The following EDIL3 variants were observed in gnomAD, a reference collection of about 807,000 sequenced individuals.
The protein encoded by EDIL3 is EGF like and discoidin domains 3, also known as EGF-like repeat and discoidin I-like domain-containing protein 3.
In EDIL3, 37 loss-of-function variants were observed where a neutral mutation model predicts 67.4. That is an observed-to-expected ratio of 0.55 (90% CI 0.42 to 0.72). The LOEUF (loss-of-function observed/expected upper bound fraction) is 0.72, where lower values mean the gene tolerates loss of function less well. EDIL3 is among the 30% of genes least tolerant of loss of function. The probability of loss-of-function intolerance (pLI) is 0.00; values close to 1 mark genes in which losing one functional copy is unlikely to be tolerated. For missense variants in EDIL3, 527 were observed against 586.3 expected, an observed-to-expected ratio of 0.90 and a Z score of 1.04; for synonymous variants, 195 against 196.3, an observed-to-expected ratio of 0.99 and a Z score of 0.05.
chr5:83,969,405 C>T (rs1024820276), intron 9 of EDIL3, among the ~76,000 whole-genome samples: 2 of 151,680 alleles, frequency 1.3e-5, no homozygotes, highest in East Asian at 3.9e-4. Context: ...ACAAAAAAGG[C>T]CTTTTAAACA....
At chr5:84,124,952 C>A (rs1011891763) in intron 5 of EDIL3, among the ~76,000 whole-genome samples, 1 of 151,896 alleles carries the variant, frequency 6.6e-6, no homozygotes, top group African/African-American at 2.4e-5. Context: ...TGGTGTTAAC[C>A]TTTTCATGCA....
At chr5:84,163,385 C>T (rs983188037) in intron 4 of EDIL3, among the ~76,000 whole-genome samples, 1 of 151,956 alleles carries the variant, frequency 6.6e-6, no homozygotes, top group Admixed American at 6.6e-5. Context: ...TAAAGAGAAA[C>T]TGAAATACGT....
At chr5:84,260,197 G>A (rs1745201677) in intron 1 of EDIL3, among the ~76,000 whole-genome samples, 1 of 152,152 alleles carries the variant, frequency 6.6e-6, no homozygotes, top group Non-Finnish European at 1.5e-5. Context: ...GGAGAAACAG[G>A]CTGATGAGAA....
At chr5:83,948,854 T>G (rs1295481993) in intron 10 of EDIL3, among the ~76,000 whole-genome samples, 2 of 151,772 alleles carry the variant, frequency 1.3e-5, no homozygotes, top group Non-Finnish European at 2.9e-5. Context: ...ATTTCATGAT[T>G]GAATGGCTAG....
chr5:84,244,819 G>T (rs952117417), intron 2 of EDIL3, among the ~76,000 whole-genome samples: 1 of 152,192 alleles, frequency 6.6e-6, no homozygotes, highest in African/African-American at 2.4e-5. Flanking sequence ...GAACCAGGCA[G>T]TAGGTGAAAG....
chr5:84,306,565 C>T (rs148353473), intron 1 of EDIL3, among the ~76,000 whole-genome samples: 276 of 152,258 alleles, frequency 1.8e-3, no homozygotes, highest in African/African-American at 6.2e-3. Context: ...CAATACTGTT[C>T]AGATGGTATC....
At chr5:84,240,085 T>C (rs1744765965) in intron 2 of EDIL3, among the ~76,000 whole-genome samples, 1 of 152,204 alleles carries the variant, frequency 6.6e-6, no homozygotes, top group Non-Finnish European at 1.5e-5. Flanking sequence ...AGCATCAATT[T>C]CAGTCAATGA....
rs1030902202 is a variant in EDIL3 at position 84,064,827 on chromosome 5, A to T, written c.825T>A (p.Ile275=). ...AGTTAGCATATGGAGTGTTGTTATCAATGTTTCCACGAAACACCTGTGTAA... is the reference window on the plus strand; with the variant it reads ...AGTTAGCATATGGAGTGTTGTTATCTATGTTTCCACGAAACACCTGTGTAA... ...TNEDMVFRGN[I]DNNTPYANSF... is the part of the protein sequence containing the mutation. The change falls in exon 8 of 11, where the codon ATT becomes ATA. Residue 275 remains isoleucine (I), a synonymous_variant. Coordinates refer to ENST00000296591, the MANE Select transcript of EDIL3 (RefSeq NM_005711.5). 6 of 1,610,894 alleles carry T rather than the reference A, an allele frequency of 3.7e-6. No individual in the cohort carries two copies. Among genetic ancestry groups the T allele is most frequent in the Non-Finnish European group, 5.1e-6 (6 of 1,178,706 alleles).
chr5:84,263,040 C>G (rs1056939252), intron 1 of EDIL3, among the ~76,000 whole-genome samples: 1 of 152,106 alleles, frequency 6.6e-6, no homozygotes, highest in African/African-American at 2.4e-5. Context: ...TTAATATTTA[C>G]TGAAGCCCAT....
In EDIL3 at chr5:84,180,485, G is replaced by A. The variant is rs750291520; in HGVS notation, c.263C>T (p.Thr88Ile). ...CTPNPCHNGG[T>I]CEISEAYRGD... ...TCGGTATGCTTCACTTATTTCACAG[G>A]TTCCTCCATTATGGCATGGATTAGG... is the stretch of plus-strand genomic sequence containing the variant. Residue 88 changes from threonine to isoleucine, a missense_variant, in exon 4 of 11, where the codon ACC becomes ATC. By Grantham distance (89) the Thr-to-Ile change is moderately conservative. This residue lies in a region of EDIL3 where 494 missense variants were observed against 522.5 expected (regional missense o/e 0.95). Coordinates refer to ENST00000296591, the MANE Select transcript of EDIL3 (RefSeq NM_005711.5). 5 of 1,606,930 alleles carry A rather than the reference G, an allele frequency of 3.1e-6. No individual in the cohort carries two copies. The highest frequency in any genetic ancestry group is 1.3e-5 in the African/African-American group (1 of 74,666).
intron 9 of EDIL3, among the ~76,000 whole-genome samples, chr5:83,976,994 A>G (rs576289730): frequency 1.3e-5 from 2 of 151,920 alleles, no homozygotes; most frequent in East Asian, 3.9e-4. Flanking sequence ...TTCTCCTGTC[A>G]TTAGTATTTG....
Position 84,287,964 on chromosome 5 carries a change from T to C in EDIL3, c.68-33752A>G, listed in dbSNP as rs532230732. ...TTCAAATAGTCTTCTTGGCTTTAAATACCATCCACAGACTGAAGACTCTAA... is the reference window on the plus strand; with the variant it reads ...TTCAAATAGTCTTCTTGGCTTTAAACACCATCCACAGACTGAAGACTCTAA... On this transcript the variant is annotated intron_variant, in intron 1 of 10. Transcript: ENST00000296591. Among the ~76,000 whole-genome samples, 24 of 152,218 alleles carry C rather than the reference T, an allele frequency of 1.6e-4. No individual in the cohort carries two copies. In the South Asian group the frequency reaches 3.9e-3, roughly 25 times the overall value.
rs77040282 is a variant in EDIL3, at chr5:84,091,279, G to A, written c.651+15370C>T. On this transcript the variant is annotated intron_variant, in intron 6 of 10. Coordinates refer to ENST00000296591, the MANE Select transcript of EDIL3 (RefSeq NM_005711.5). ...GGGATAAGAACAATACTGGTTAGAC[G>A]GAATTACAGTCAATACATGCAGAGC... Among the ~76,000 whole-genome samples the A allele has an allele frequency of 6.6e-3, 999 of 152,262 alleles. 11 individuals carry two copies. Among genetic ancestry groups the A allele is most frequent in the African/African-American group, 0.023 (951 of 41,554 alleles).
chr5:84,325,934 A>C (rs1387296538), intron 1 of EDIL3, among the ~76,000 whole-genome samples: 1 of 152,114 alleles, frequency 6.6e-6, no homozygotes, highest in Non-Finnish European at 1.5e-5. Context: ...TATGGTTTGA[A>C]TGTGTCCCAC....
intron 5 of EDIL3, among the ~76,000 whole-genome samples, chr5:84,111,519 A>G (rs1275820261): frequency 6.6e-6 from 1 of 152,228 alleles, no homozygotes; most frequent in Non-Finnish European, 1.5e-5. Context: ...GCCCTTCTAC[A>G]TATTTGGCAC....
intron 3 of EDIL3, among the ~76,000 whole-genome samples, chr5:84,225,787 C>T (rs1445753): frequency 0.66 from 100,324 of 151,272 alleles, 33,978 homozygotes; most frequent in East Asian, 0.84. Context: ...ATTTGTCATA[C>T]AATATCAATA....
intron 9 of EDIL3, among the ~76,000 whole-genome samples, chr5:84,005,267 C>T (rs1303261444): frequency 1.3e-5 from 2 of 152,078 alleles, no homozygotes; most frequent in Non-Finnish European, 2.9e-5. Context: ...AAAGCCACTG[C>T]CAATCCCACT....
At position 84,091,057 on chromosome 5, in the gene EDIL3, C is replaced by T. The variant is rs908653834; in HGVS notation, c.651+15592G>A. 1.7e-4 allele frequency among the ~76,000 whole-genome samples: 26 copies of T among 152,198 alleles called. 1 individual carries two copies. The highest frequency in any genetic ancestry group is 6.0e-4 in the African/African-American group (25 of 41,528). On this transcript the variant is annotated intron_variant, in intron 6 of 10. Coordinates refer to ENST00000296591, the MANE Select transcript of EDIL3 (RefSeq NM_005711.5). ...ACTGCCCCACAGTCACTAACAGTGT[C>T]CACTGCTCCCCCTCAAAATAAAAGG...
At chr5:84,231,012 A>G (rs1056994642) in intron 2 of EDIL3, among the ~76,000 whole-genome samples, 5 of 152,168 alleles carry the variant, frequency 3.3e-5, no homozygotes, top group African/African-American at 1.2e-4. Context: ...CAACCCTGTA[A>G]GTATATTAGA....
Sources: allele counts gnomAD v4.1 joint callset (sites outside exome capture counted in the v4.1 genomes callset), GRCh38; gene constraint gnomAD v4.1.1; regional missense constraint gnomAD v4.1.1; transcripts MANE v1.5; gene names NCBI Gene and HGNC (gene_info 2026-07-23, HGNC 2026-07-21).